The following GRID1 variants were observed in gnomAD, a reference collection of about 807,000 sequenced individuals.
The protein encoded by GRID1 is glutamate ionotropic receptor delta type subunit 1.
In GRID1, 28 loss-of-function variants were observed where a neutral mutation model predicts 98.0. That is an observed-to-expected ratio of 0.29 (90% confidence interval 0.21 to 0.39). The LOEUF is 0.39. GRID1 is among the 10% of genes least tolerant of loss of function. GRID1 has a pLI of 1.00. For synonymous variants in GRID1, 553 were observed against 538.5 expected, an observed-to-expected ratio of 1.03 and a Z score of -0.37; for missense variants, 1,111 against 1,340.5, an observed-to-expected ratio of 0.83 and a Z score of 2.67.
chr10:86,139,465 C>A (rs992231851), intron 3 of GRID1, among the ~76,000 whole-genome samples: 1 of 152,188 alleles, frequency 6.6e-6, no homozygotes, highest in Non-Finnish European at 1.5e-5. Context: ...CTGACTGGAG[C>A]GGGCCTGGCC....
intron 4 of GRID1, among the ~76,000 whole-genome samples, chr10:86,017,629 G>A (rs926868138): frequency 6.6e-6 from 1 of 152,230 alleles, no homozygotes; most frequent in South Asian, 2.1e-4. Flanking sequence ...CCAGGACAAG[G>A]GGCAGGTATG....
In GRID1 at chr10:85,869,064, G is replaced by A. The variant is rs149631587; in HGVS notation, c.897C>T (p.His299=). ...KDNQKCTRNN[H]RISSLLCDPQ... is the part of the protein sequence containing the mutation. ...GGTCGCAGAGCAGGGAGGAGATGCG[G>A]TGGTTGTTCCTCGTGCATTTCTGAT... The change falls in exon 6 of 16, where the codon CAC becomes CAT. Residue 299 remains histidine, a synonymous_variant. Transcript: ENST00000327946. 1.2e-6 allele frequency: 2 copies of A among 1,613,970 alleles called. No homozygotes were observed. Among genetic ancestry groups the A allele is most frequent in the African/African-American group, 2.7e-5 (2 of 74,928 alleles).
chr10:86,298,619 T>C (rs1233971745), intron 2 of GRID1, among the ~76,000 whole-genome samples: 1 of 152,146 alleles, frequency 6.6e-6, no homozygotes, highest in East Asian at 1.9e-4. Flanking sequence ...CCCACCTCCC[T>C]GGAAAGGCCC....
At chr10:85,976,020 C>G (rs1842467703) in intron 4 of GRID1, among the ~76,000 whole-genome samples, 2 of 152,170 alleles carry the variant, frequency 1.3e-5, no homozygotes, top group Admixed American at 6.5e-5. Flanking sequence ...CTCTGTTCAC[C>G]TTACCAGCTC....
At chr10:85,756,077 C>G (rs1456625497) in intron 8 of GRID1, among the ~76,000 whole-genome samples, 1 of 151,146 alleles carries the variant, frequency 6.6e-6, no homozygotes. Flanking sequence ...CCAATACCCC[C>G]CCTAGTGGGA....
At chr10:85,891,988 A>T (rs560835959) in intron 5 of GRID1, among the ~76,000 whole-genome samples, 3 of 152,120 alleles carry the variant, frequency 2.0e-5, no homozygotes, top group East Asian at 1.9e-4. Flanking sequence ...GATATTATAA[A>T]TATTATAAAC....
intron 3 of GRID1, among the ~76,000 whole-genome samples, chr10:86,144,700 T>G (rs1410875908): frequency 6.6e-6 from 1 of 152,120 alleles, no homozygotes; most frequent in African/African-American, 2.4e-5. Context: ...GGCACAATCA[T>G]ATGCCCCTCT....
chr10:86,315,890 C>G (rs963362055), intron 2 of GRID1, among the ~76,000 whole-genome samples: 2 of 152,152 alleles, frequency 1.3e-5, no homozygotes, highest in Admixed American at 6.5e-5. Context: ...GGCCACCCAC[C>G]CACCCAGGCA....
At chr10:86,184,398 T>A (rs1318477872) in intron 3 of GRID1, among the ~76,000 whole-genome samples, 3 of 152,010 alleles carry the variant, frequency 2.0e-5, no homozygotes, top group African/African-American at 7.2e-5. Flanking sequence ...TATTCTTGTG[T>A]CTGTAAAGTA....
At chr10:85,939,680 T>C (rs78027620) in intron 4 of GRID1, among the ~76,000 whole-genome samples, 16,911 of 152,200 alleles carry the variant, frequency 0.11, 976 homozygotes, top group East Asian at 0.2. Context: ...AAGTTCCCTG[T>C]TTAAGGTCAG....
At chr10:85,636,784 T>C (rs1564684906) in intron 13 of GRID1, among the ~76,000 whole-genome samples, 1 of 152,236 alleles carries the variant, frequency 6.6e-6, no homozygotes, top group Non-Finnish European at 1.5e-5. Flanking sequence ...CCAAAACTAA[T>C]AATGTAATTC....
chr10:85,724,774 G>A (rs1371471696), intron 10 of GRID1, 98 bp from the exon 11 acceptor site: 3 of 898,896 alleles, frequency 3.3e-6, no homozygotes, highest in Non-Finnish European at 5.0e-6. Flanking sequence ...GAGTTGCTCT[G>A]TTCAGAGGAA....
At chr10:85,657,650 T>C (rs1840915894) in intron 12 of GRID1, among the ~76,000 whole-genome samples, 1 of 152,194 alleles carries the variant, frequency 6.6e-6, no homozygotes, top group African/African-American at 2.4e-5. Flanking sequence ...TTGAGGTGCT[T>C]GAACCAAAGA....
At position 86,366,265 on chromosome 10, in the gene GRID1, C is replaced by G. The variant is rs1183475787; in HGVS notation, c.79+49G>C. ...AGTTTGGACGCCGCGCACCCCCTGC[C>G]CCGTTGGGGCCCCCGCCCAGCCTCG... On this transcript the variant is annotated intron_variant, in intron 1 of 15. Transcript: ENST00000327946. This position sits in a 1 kb window ranked among gnomAD's most constrained non-coding sequence, Gnocchi z 4.1. 3.7e-6 allele frequency: 5 copies of G among 1,352,404 alleles called. No homozygotes were observed. In the African/African-American group the frequency reaches 4.6e-5, roughly 13 times the overall value. The allele number at this position is 1,352,404 out of a possible 1,614,324, so 83.8% of individuals were successfully genotyped here. A position where few individuals can be genotyped will look rare whatever the true frequency, so the allele number is the denominator to read the frequency against.
At position 85,978,181 on chromosome 10, in the gene GRID1, A is replaced by AT. The variant is rs1277751971; in HGVS notation, c.727-61943dup. On this transcript the variant is annotated intron_variant, in intron 4 of 15. Transcript: ENST00000327946. The stretch of plus-strand genomic sequence containing the variant: ...CAGCGTCTTCCCTACCTAACCTGTG[A>AT]TTTTTTTAAATCCCCCAAAGCCACA... 1.2e-4 allele frequency among the ~76,000 whole-genome samples: 18 copies of AT among 152,242 alleles called. No individual in the cohort carries two copies. In the East Asian group the frequency reaches 2.7e-3, roughly 23 times the overall value.
chr10:85,775,445 G>T (rs998858705), intron 8 of GRID1, among the ~76,000 whole-genome samples: 1 of 151,926 alleles, frequency 6.6e-6, no homozygotes, highest in African/African-American at 2.4e-5. Flanking sequence ...CCTGCACATT[G>T]TGCACATGTA....
intron 2 of GRID1, among the ~76,000 whole-genome samples, chr10:86,321,744 G>A (rs1847973873): frequency 1.3e-5 from 2 of 152,172 alleles, no homozygotes. Context: ...GCAGGGAGTA[G>A]GGGAGACAGC....
intron 4 of GRID1, among the ~76,000 whole-genome samples, chr10:86,052,836 C>T (rs1843520844): frequency 6.6e-6 from 1 of 152,212 alleles, no homozygotes; most frequent in Non-Finnish European, 1.5e-5. Context: ...TTACATAAAA[C>T]TAATATGTAT....
intron 2 of GRID1, among the ~76,000 whole-genome samples, chr10:86,284,470 C>T (rs1304187297): frequency 6.6e-6 from 1 of 152,226 alleles, no homozygotes; most frequent in Non-Finnish European, 1.5e-5. Flanking sequence ...CCTCTGTGAA[C>T]AAAACCAGAG....
Sources: allele counts gnomAD v4.1 joint callset (sites outside exome capture counted in the v4.1 genomes callset), GRCh38; gene constraint gnomAD v4.1.1; non-coding constraint Gnocchi (gnomAD v3.1); transcripts MANE v1.5; gene names NCBI Gene and HGNC (gene_info 2026-07-23, HGNC 2026-07-21).